RANBP17: variants seen among roughly 807,000 people sequenced by gnomAD.
RANBP17 encodes the protein RAN binding protein 17.
In RANBP17, 158 loss-of-function variants were observed where a neutral mutation model predicts 141.2. The observed-to-expected ratio is 1.12, with a 90% CI of 0.98 to 1.28. The LOEUF (loss-of-function observed/expected upper bound fraction) is 1.28. Among genes scored for constraint, RANBP17 ranks in the 50% most tolerant of loss-of-function variants. The probability of loss-of-function intolerance (pLI) is 0.00; values close to 1 mark genes in which losing one functional copy is unlikely to be tolerated. For synonymous variants in RANBP17, 430 were observed against 450.0 expected, an observed-to-expected ratio of 0.96 and a Z score of 0.56; for missense variants, 1,438 against 1,290.7, an observed-to-expected ratio of 1.11 and a Z score of -1.75.
chr5:171,087,868 G>C (rs1191008912), intron 14 of RANBP17, among the ~76,000 whole-genome samples: 1 of 151,788 alleles, frequency 6.6e-6, no homozygotes, highest in African/African-American at 2.4e-5. Context: ...CTCTGCATGT[G>C]AGATGGGTTT....
At chr5:171,098,792 T>C (rs1308218757) in intron 14 of RANBP17, among the ~76,000 whole-genome samples, 1 of 152,216 alleles carries the variant, frequency 6.6e-6, no homozygotes, top group Non-Finnish European at 1.5e-5. Context: ...AAATCTTTAA[T>C]CCATCTTGAG....
At chr5:171,251,893 G>C (rs1765591271) in intron 24 of RANBP17, 15 of 1,530,680 alleles carry the variant, frequency 9.8e-6, no homozygotes, top group Non-Finnish European at 1.4e-5. Context: ...GAAGGAGATT[G>C]GTCCAGAACA....
At chr5:171,191,183 G>A (rs1013737694) in intron 18 of RANBP17, among the ~76,000 whole-genome samples, 16 of 152,052 alleles carry the variant, frequency 1.1e-4, no homozygotes, top group African/African-American at 3.4e-4. Context: ...CTTGAATGAC[G>A]AATGACTTGA....
intron 14 of RANBP17, among the ~76,000 whole-genome samples, chr5:171,142,329 G>A (rs565808922): frequency 6.6e-5 from 10 of 152,174 alleles, no homozygotes; most frequent in Non-Finnish European, 1.3e-4. Flanking sequence ...AGTAATTGAA[G>A]AAAAAAATAT....
chr5:171,134,271 T>A (rs1052927402), intron 14 of RANBP17, among the ~76,000 whole-genome samples: 8 of 152,200 alleles, frequency 5.3e-5, no homozygotes, highest in Non-Finnish European at 1.0e-4. Context: ...TTTTATTAAG[T>A]TTGCTAGTAG....
chr5:171,052,433 T>C (rs1169066096), intron 14 of RANBP17, among the ~76,000 whole-genome samples: 1 of 152,202 alleles, frequency 6.6e-6, no homozygotes, highest in Non-Finnish European at 1.5e-5. Flanking sequence ...TTCATTCCTT[T>C]GCATGTGGTC....
At chr5:171,127,727 G>A (rs970237610) in intron 14 of RANBP17, among the ~76,000 whole-genome samples, 2 of 152,140 alleles carry the variant, frequency 1.3e-5, no homozygotes, top group African/African-American at 4.8e-5. Context: ...AAAAAGATGA[G>A]GTGAAAAGGG....
intron 13 of RANBP17, among the ~76,000 whole-genome samples, chr5:170,966,208 C>T (rs1776549255): frequency 6.6e-6 from 1 of 151,918 alleles, no homozygotes; most frequent in African/African-American, 2.4e-5. Context: ...CCAGCATCAT[C>T]CTGATACCAA....
intron 18 of RANBP17, among the ~76,000 whole-genome samples, chr5:171,191,686 C>CA (rs200060268): frequency 2.1e-3 from 275 of 128,150 alleles, no homozygotes; most frequent in East Asian, 8.8e-3. Context: ...GACTCCGTCT[C>CA]AAAAAAAAAA....
At chr5:171,031,482 T>C (rs1418842732) in intron 14 of RANBP17, among the ~76,000 whole-genome samples, 1 of 152,058 alleles carries the variant, frequency 6.6e-6, no homozygotes, top group African/African-American at 2.4e-5. Flanking sequence ...GAATATAGCA[T>C]AGCCTAGAGC....
At position 170,924,435 on chromosome 5, in the gene RANBP17, T is replaced by A. The variant is rs1434432543; in HGVS notation, c.1353T>A (p.Cys451Ter). The part of the protein sequence containing the change: ...QLEQLCTVSR[C>*]EYEKTCALLV... ...AGCAGTTGTGCACGGTCAGCAGATG[T>A]GAATATGAAAAGACATGTGCTCTTC... The change falls in exon 12 of 28, where the codon TGT becomes TGA. Residue 451 changes from cysteine (C) to a stop codon, truncating the protein, a stop_gained. Coordinates refer to ENST00000523189, the MANE Select transcript of RANBP17 (RefSeq NM_022897.5). LOFTEE classifies it high-confidence loss of function. The A allele has an allele frequency of 2.5e-5, 40 of 1,613,518 alleles. No individual in the cohort carries two copies. Among genetic ancestry groups the A allele is most frequent in the Admixed American group, 3.3e-5 (2 of 60,000 alleles).
At chr5:171,209,343 A>T (rs1223668834) in intron 20 of RANBP17, among the ~76,000 whole-genome samples, 1 of 152,214 alleles carries the variant, frequency 6.6e-6, no homozygotes, top group African/African-American at 2.4e-5. Context: ...TTAGACCCTT[A>T]TTCCATAGGT....
At chr5:171,061,846 C>G (rs1034069263) in intron 14 of RANBP17, among the ~76,000 whole-genome samples, 37 of 152,256 alleles carry the variant, frequency 2.4e-4, no homozygotes, top group Non-Finnish European at 4.9e-4. Context: ...TCTGGGTGCT[C>G]CTGTATTGGG....
In RANBP17 at chr5:170,909,732, C is replaced by T. The variant is rs755638379; in HGVS notation, c.561C>T (p.Asp187=). 19 of 1,584,960 alleles carry T rather than the reference C, an allele frequency of 1.2e-5. No individual in the cohort carries two copies. The highest frequency in any genetic ancestry group is 1.3e-5 in the Non-Finnish European group (15 of 1,155,724). The change falls in exon 6 of 28, where the codon GAC becomes GAT. Residue 187 remains aspartate (D), a synonymous_variant. Transcript: ENST00000523189. The stretch of plus-strand genomic sequence containing the variant: ...CATTTCGTGATACTTCTCTCAAAGA[C>T]GTTTTAGTGCTAGCATGCTCTCTTT... The part of the protein sequence containing the change: ...ATSFRDTSLK[D]VLVLACSLLK...
At chr5:171,181,841 G>T (rs79770554) in intron 16 of RANBP17, among the ~76,000 whole-genome samples, 1 of 152,120 alleles carries the variant, frequency 6.6e-6, no homozygotes, top group Non-Finnish European at 1.5e-5. Context: ...TTCTTTTTCC[G>T]TGATTGATAA....
chr5:170,907,807 A>T (rs922092645), intron 5 of RANBP17, among the ~76,000 whole-genome samples: 2 of 151,984 alleles, frequency 1.3e-5, no homozygotes, highest in Non-Finnish European at 2.9e-5. Flanking sequence ...ATTTTTATAT[A>T]TTGAGGAAAG....
chr5:171,064,035 G>T (rs892016788), intron 14 of RANBP17, among the ~76,000 whole-genome samples: 8 of 152,236 alleles, frequency 5.3e-5, no homozygotes, highest in Non-Finnish European at 8.8e-5. Flanking sequence ...ATTAGTGTGG[G>T]AGTGACCCGA....
At chr5:171,225,973 G>A (rs894785009) in intron 22 of RANBP17, among the ~76,000 whole-genome samples, 3 of 152,074 alleles carry the variant, frequency 2.0e-5, no homozygotes, top group African/African-American at 7.2e-5. Context: ...ACAATTTCCT[G>A]TTTGTACAGC....
chr5:171,086,837 A>G (rs977234600), intron 14 of RANBP17, among the ~76,000 whole-genome samples: 3 of 146,116 alleles, frequency 2.1e-5, no homozygotes, highest in East Asian at 2.0e-4. Flanking sequence ...TATTGTGTCT[A>G]TTTGATTCTT....
Sources: gnomAD v4.1 joint callset for allele counts (sites outside exome capture counted in the v4.1 genomes callset) on GRCh38, gnomAD v4.1.1 for gene constraint, MANE v1.5 for transcripts, NCBI Gene and HGNC (gene_info 2026-07-23, HGNC 2026-07-21) for gene names.